The following FHIT variants were observed in gnomAD, a reference collection of about 807,000 sequenced individuals.
FHIT encodes bis(5'-adenosyl)-triphosphatase.
In FHIT, 19 loss-of-function variants were observed where a neutral mutation model predicts 17.9. That is an observed-to-expected ratio of 1.06 (90% CI 0.74 to 1.56). FHIT has a LOEUF of 1.56. Ranked by LOEUF, FHIT falls within the 40% of genes most tolerant of loss-of-function variation. FHIT has a pLI of 0.00. For missense variants in FHIT, 248 were observed against 189.2 expected (o/e 1.31, Z -1.82); for synonymous variants, 81 against 69.7 (o/e 1.16, Z -0.81).
At chr3:61,022,783 A>G (rs1371101465) in intron 3 of FHIT, among the ~76,000 whole-genome samples, 3 of 152,224 alleles carry the variant, frequency 2.0e-5, no homozygotes, top group African/African-American at 4.8e-5. Flanking sequence ...GGCCTTCAAT[A>G]AAATTCAACA....
chr3:60,966,809 AT>A (rs2107517531), intron 3 of FHIT, among the ~76,000 whole-genome samples: 1 of 152,336 alleles, frequency 6.6e-6, no homozygotes, highest in South Asian at 2.1e-4. Flanking sequence ...TCTGAGAGAT[AT>A]TTAGGTTGGT....
At chr3:60,834,163 G>A (rs74481962) in intron 3 of FHIT, among the ~76,000 whole-genome samples, 376 of 152,264 alleles carry the variant, frequency 2.5e-3, no homozygotes, top group African/African-American at 8.6e-3. Flanking sequence ...TATGATAAGT[G>A]CATGTTTAAT....
chr3:60,023,268 T>C (rs1468804661), intron 5 of FHIT, among the ~76,000 whole-genome samples: 1 of 152,134 alleles, frequency 6.6e-6, no homozygotes, highest in African/African-American at 2.4e-5. Context: ...GAGAAAGTAA[T>C]ACTAAAAATC....
chr3:59,821,437 C>T (rs1286143664), intron 8 of FHIT, among the ~76,000 whole-genome samples: 1 of 152,156 alleles, frequency 6.6e-6, no homozygotes, highest in African/African-American at 2.4e-5. Flanking sequence ...CCATTATCTG[C>T]AAGGAGACAG....
intron 5 of FHIT, among the ~76,000 whole-genome samples, chr3:60,342,247 A>G (rs929539260): frequency 1.3e-5 from 2 of 152,214 alleles, no homozygotes; most frequent in African/African-American, 4.8e-5. Flanking sequence ...CAATTGCATG[A>G]GCAATGTTTA....
chr3:60,866,881 G>A (rs540996076), intron 3 of FHIT, among the ~76,000 whole-genome samples: 2 of 152,084 alleles, frequency 1.3e-5, no homozygotes, highest in Non-Finnish European at 2.9e-5. Flanking sequence ...GAATAACTGG[G>A]TTCCTGTGAT....
chr3:61,035,284 A>T (rs562285676), intron 3 of FHIT, among the ~76,000 whole-genome samples: 14 of 152,306 alleles, frequency 9.2e-5, no homozygotes, highest in African/African-American at 3.1e-4. Context: ...ATTTTTTGTT[A>T]TATGACTCTT....
chr3:61,053,151 A>C (rs2034088000), intron 2 of FHIT, among the ~76,000 whole-genome samples: 1 of 152,192 alleles, frequency 6.6e-6, no homozygotes, highest in Non-Finnish European at 1.5e-5. Flanking sequence ...ATCCACCCTG[A>C]AAAGTGAGTG....
intron 4 of FHIT, among the ~76,000 whole-genome samples, chr3:60,742,217 A>T (rs2042254492): frequency 6.6e-6 from 1 of 152,196 alleles, no homozygotes; most frequent in African/African-American, 2.4e-5. Flanking sequence ...TTATGATGCT[A>T]ATTACAACGA....
chr3:61,112,988 C>T (rs1197895532), intron 2 of FHIT, among the ~76,000 whole-genome samples: 2 of 151,834 alleles, frequency 1.3e-5, no homozygotes. Flanking sequence ...TATCTTTGAA[C>T]ACTGTGTGTG....
intron 3 of FHIT, among the ~76,000 whole-genome samples, chr3:60,823,863 T>C (rs1702022209): frequency 6.6e-6 from 1 of 152,162 alleles, no homozygotes; most frequent in Non-Finnish European, 1.5e-5. Context: ...ACCATGATGA[T>C]GGCTCTGGAT....
chr3:59,995,203 A>G (rs1251455436), intron 7 of FHIT, among the ~76,000 whole-genome samples: 2 of 149,266 alleles, frequency 1.3e-5, no homozygotes, highest in Non-Finnish European at 3.0e-5. Flanking sequence ...AGGCATTTAG[A>G]AAAAAAAAAC....
chr3:61,097,617 C>A (rs2106835869), intron 2 of FHIT, among the ~76,000 whole-genome samples: 1 of 152,018 alleles, frequency 6.6e-6, no homozygotes, highest in Middle Eastern at 3.4e-3. Flanking sequence ...GCATCTGCTA[C>A]TTTTTGACTT....
In FHIT at chr3:60,697,622, A is replaced by G. The variant is rs572426995; in HGVS notation, c.-18+124297T>C. ...AGCATGGTTAGATTACAAATAATAT[A>G]TATATTTTAAAAGACAGGAAAATAA... On this transcript the variant is annotated intron_variant, in intron 4 of 9. Coordinates refer to ENST00000492590, the MANE Select transcript of FHIT (RefSeq NM_002012.4). 2.0e-5 allele frequency among the ~76,000 whole-genome samples: 3 copies of G among 152,280 alleles called. No homozygotes were observed. The South Asian group carries it at 6.2e-4, about 32-fold the overall frequency.
chr3:60,510,005 G>T (rs1406605314), intron 5 of FHIT, among the ~76,000 whole-genome samples: 1 of 152,156 alleles, frequency 6.6e-6, no homozygotes, highest in African/African-American at 2.4e-5. Context: ...GCTTGGTGAG[G>T]TTGACTACAA....
Position 60,904,926 on chromosome 3 carries a change from G to A in FHIT, c.-110-82915C>T, listed in dbSNP as rs576644429. 1.7e-4 allele frequency among the ~76,000 whole-genome samples: 22 copies of A among 126,450 alleles called. 1 individual carries two copies. The South Asian group carries it at 3.3e-3, about 19-fold the overall frequency. 83.0% of individuals were successfully genotyped at this position (126,450 alleles called of 152,430 possible). A position where few individuals can be genotyped will look rare whatever the true frequency, so the allele number is the denominator to read the frequency against. Reference sequence around the variant, plus strand: ...TGCACTCCAGCCTGAGCAACAGAACGAGACTTGGTCTAAAAAAAAAAAAAA... The same window carrying A: ...TGCACTCCAGCCTGAGCAACAGAACAAGACTTGGTCTAAAAAAAAAAAAAA... On this transcript the variant is annotated intron_variant, in intron 3 of 9. Transcript: ENST00000492590.
intron 5 of FHIT, among the ~76,000 whole-genome samples, chr3:60,476,681 C>G (rs929389320): frequency 6.6e-6 from 1 of 151,976 alleles, no homozygotes; most frequent in East Asian, 1.9e-4. Flanking sequence ...GCCTAGGGAG[C>G]GAGACACACC....
At chr3:60,169,201 G>A (rs1057319430) in intron 5 of FHIT, among the ~76,000 whole-genome samples, 7 of 152,100 alleles carry the variant, frequency 4.6e-5, no homozygotes, top group African/African-American at 1.2e-4. Flanking sequence ...TCCTGCCCCC[G>A]TTCCTGCCAC....
chr3:59,875,971 T>G (rs1354773532), intron 8 of FHIT, among the ~76,000 whole-genome samples: 1 of 151,856 alleles, frequency 6.6e-6, no homozygotes, highest in African/African-American at 2.4e-5. Context: ...AAAAAAAGAT[T>G]TTAGTTCAAG....
Sources: allele counts gnomAD v4.1 joint callset (sites outside exome capture counted in the v4.1 genomes callset), GRCh38; gene constraint gnomAD v4.1.1; transcripts MANE v1.5; gene names NCBI Gene and HGNC (gene_info 2026-07-23, HGNC 2026-07-21).